The following C20orf96 variants were observed in gnomAD, a reference collection of about 807,000 sequenced individuals.
C20orf96 encodes the protein uncharacterized protein C20orf96.
Under a neutral mutation model 52.6 loss-of-function variants are expected in C20orf96, and 57 were observed. That is an observed-to-expected ratio of 1.08 (90% CI 0.88 to 1.35). C20orf96 has a LOEUF of 1.35. Ranked by LOEUF, C20orf96 falls within the 40% of genes most tolerant of loss-of-function variation. C20orf96 has a pLI of 0.00. For missense variants in C20orf96, 478 were observed against 443.6 expected (o/e 1.08, Z -0.70); for synonymous variants, 168 against 157.2 (o/e 1.07, Z -0.51).
chr20:270,903 A>ATTCCTCAAGGAATAG lies in C20orf96; in HGVS notation c.*303_*304insCTATTCCTTGAGGAA, dbSNP rs1279751066. 1.3e-5 allele frequency: 5 copies of ATTCCTCAAGGAATAG among 397,142 alleles called. No homozygotes were observed. Among genetic ancestry groups the ATTCCTCAAGGAATAG allele is most frequent in the Non-Finnish European group, 2.3e-5 (5 of 220,506 alleles). 24.6% of individuals were successfully genotyped at this position (397,142 alleles called of 1,614,324 possible). On this transcript the variant is annotated 3_prime_UTR_variant, in exon 11 of 11. Coordinates refer to ENST00000360321, the MANE Select transcript of C20orf96 (RefSeq NM_153269.3). ...GCTTTATTGGTAAAAAAGGAATAGC[A>ATTCCTCAAGGAATAG]GATTTAATCAGAAATTCCCACCTGG...
At chr20:276,148 A>C in intron 9 of C20orf96, 62 bp from the exon 10 acceptor site, 1 of 1,608,454 alleles carries the variant, frequency 6.2e-7, no homozygotes, top group Non-Finnish European at 8.5e-7. Context: ...CAAAGGGAGA[A>C]AGGCCAAAAT....
chr20:284,370 A>T (rs2012329757), intron 3 of C20orf96, among the ~76,000 whole-genome samples: 1 of 152,266 alleles, frequency 6.6e-6, no homozygotes, highest in Non-Finnish European at 1.5e-5. Context: ...TCAAATGTCC[A>T]GTCAGAAAGA....
At chr20:284,136 GC>G in intron 3 of C20orf96, 55 bp from the exon 4 acceptor site, 1 of 1,401,204 alleles carries the variant, frequency 7.1e-7, no homozygotes, top group South Asian at 1.2e-5. Context: ...AAGGCCTGAG[GC>G]CAGGTTCCCG....
chr20:290,493 G>GA, intron 1 of C20orf96, 98 bp downstream of exon 1: 1 of 1,495,750 alleles, frequency 6.7e-7, no homozygotes, highest in South Asian at 1.2e-5. Flanking sequence ...GAAGACCGAG[G>GA]GCGACCTCGA....
intron 10 of C20orf96, among the ~76,000 whole-genome samples, chr20:273,539 T>C (rs542969414): frequency 6.6e-6 from 1 of 152,098 alleles, no homozygotes; most frequent in East Asian, 1.9e-4. Flanking sequence ...ATGTGGTTGG[T>C]TCATAGAGCA....
At chr20:288,895 C>T (rs1444840589) in intron 3 of C20orf96, among the ~76,000 whole-genome samples, 1 of 152,156 alleles carries the variant, frequency 6.6e-6, no homozygotes, top group Non-Finnish European at 1.5e-5. Flanking sequence ...GTCCCCATTT[C>T]ACAAATGAGA....
At chr20:289,456 A>G (rs2012479210) in intron 3 of C20orf96, 103 bp downstream of exon 3, 1 of 742,744 alleles carries the variant, frequency 1.3e-6, no homozygotes. Context: ...TGTTTATTAC[A>G]TCAGTTAGCC....
chr20:289,540 C>G lies in C20orf96; in HGVS notation c.187+19G>C. 6.5e-7 allele frequency: 1 copy of G among 1,549,890 alleles called. No individual in the cohort carries two copies. The highest frequency in any genetic ancestry group is 8.9e-7 in the Non-Finnish European group (1 of 1,121,624). On this transcript the variant is annotated intron_variant, in intron 3 of 10. Transcript: ENST00000360321. The stretch of plus-strand genomic sequence containing the variant: ...CCTGTCTCCAACCCCCACACCAGCT[C>G]CCAGGTGCCTCCGCCCACCTGGTTG...
chr20:279,460 G>T (rs1281442588), intron 4 of C20orf96, 130 bp from the exon 5 acceptor site: 4 of 1,057,176 alleles, frequency 3.8e-6, no homozygotes, highest in Non-Finnish European at 5.1e-6. Flanking sequence ...TGGTAAACGC[G>T]GCCCAAGCTG....
In C20orf96 at chr20:290,666, C is replaced by CT. The variant is rs2012523952; in HGVS notation, c.-57dup. Reference sequence around the variant, plus strand: ...GTGAGACCCTGATCTTCTGGTATAACTACTCGGCTTTTCCAACTTCCTTGT... The same window carrying CT: ...GTGAGACCCTGATCTTCTGGTATAACTTACTCGGCTTTTCCAACTTCCTTGT... On this transcript the variant is annotated 5_prime_UTR_variant, in exon 1 of 11. Coordinates refer to ENST00000360321, the MANE Select transcript of C20orf96 (RefSeq NM_153269.3). 6.3e-7 allele frequency: 1 copy of CT among 1,581,228 alleles called. No individual in the cohort carries two copies. Among genetic ancestry groups the CT allele is most frequent in the African/African-American group, 1.4e-5 (1 of 70,986 alleles).
Position 276,838 on chromosome 20 carries a change from C to A in C20orf96, c.867G>T (p.Met289Ile). 5 of 1,613,902 alleles carry A rather than the reference C, an allele frequency of 3.1e-6. No individual in the cohort carries two copies. The highest frequency in any genetic ancestry group is 4.2e-6 in the Non-Finnish European group (5 of 1,179,894). The change falls in exon 9 of 11, where the codon ATG (methionine) becomes ATT (isoleucine). Residue 289 changes from methionine to isoleucine, a missense_variant. Met to Ile is a conservative substitution (Grantham distance 10, BLOSUM62 1). Coordinates refer to ENST00000360321, the MANE Select transcript of C20orf96 (RefSeq NM_153269.3). ...RPYEEALLQK[M>I]WESQDFLKCM... ...ATTTCAGGAAGTCCTGGCTTTCCCACATCTTCTGTAGGAGAGCCTCTTCAT... is the reference window on the plus strand; with the variant it reads ...ATTTCAGGAAGTCCTGGCTTTCCCAAATCTTCTGTAGGAGAGCCTCTTCAT...
At chr20:278,147 C>T (rs1189906085) in intron 6 of C20orf96, among the ~76,000 whole-genome samples, 183 bp downstream of exon 6, 1 of 152,156 alleles carries the variant, frequency 6.6e-6, no homozygotes, top group Non-Finnish European at 1.5e-5. Flanking sequence ...AGATACGGGG[C>T]CTGGAAAGAG....
At position 289,677 on chromosome 20, in the gene C20orf96, C is replaced by G. The variant is rs1018969384; in HGVS notation, c.70-1G>C. 5 of 1,609,636 alleles carry G rather than the reference C, an allele frequency of 3.1e-6. No individual in the cohort carries two copies. The African/African-American group carries it at 5.3e-5, about 17-fold the overall frequency. ...TGGACTGCTGCCATGGAACATAATC[C>G]TACAAAATATACAATCAGTCACATA... On this transcript the variant is annotated splice_acceptor_variant, in intron 2 of 10. Transcript: ENST00000360321. LOFTEE classifies it high-confidence loss of function.
At chr20:280,877 A>G (rs1194902429) in intron 4 of C20orf96, among the ~76,000 whole-genome samples, 1 of 152,224 alleles carries the variant, frequency 6.6e-6, no homozygotes, top group Non-Finnish European at 1.5e-5. Context: ...GAGATTGGAC[A>G]GGTGCGGTGA....
At chr20:288,381 G>C (rs1021737091) in intron 3 of C20orf96, among the ~76,000 whole-genome samples, 5 of 152,052 alleles carry the variant, frequency 3.3e-5, no homozygotes, top group Non-Finnish European at 7.4e-5. Flanking sequence ...GCTTGGTGGT[G>C]CTGATTCCCC....
chr20:275,976 C>T lies in C20orf96; in HGVS notation c.1023G>A (p.Arg341=), dbSNP rs146492837. ...GCAAAAAGATCACATACTTGGGTCT[C>T]CGAAGCAGAACATCCTCAAATATGA... ...REVIFEDVLL[R]RPKCTPDMDV... Residue 341 remains arginine (R), a synonymous_variant, in exon 10 of 11, where the codon CGG becomes CGA. Transcript: ENST00000360321. 1.5e-3 allele frequency: 2,344 copies of T among 1,614,026 alleles called. 5 individuals are homozygous for T. Among genetic ancestry groups the T allele is most frequent in the Non-Finnish European group, 1.8e-3 (2,141 of 1,179,970 alleles).
intron 10 of C20orf96, among the ~76,000 whole-genome samples, chr20:274,447 G>T (rs1461841832): frequency 2.0e-5 from 3 of 152,150 alleles, no homozygotes; most frequent in African/African-American, 7.2e-5. Context: ...CGTGGGTCCA[G>T]CTCCACCATG....
At chr20:287,629 T>TA (rs1213824125) in intron 3 of C20orf96, among the ~76,000 whole-genome samples, 1 of 151,924 alleles carries the variant, frequency 6.6e-6, no homozygotes, top group Non-Finnish European at 1.5e-5. Flanking sequence ...TTCATCCTCC[T>TA]AAAAAGGTCT....
chr20:279,378 C>T, intron 4 of C20orf96, 48 bp from the exon 5 acceptor site: 1 of 1,567,982 alleles, frequency 6.4e-7, no homozygotes, highest in Non-Finnish European at 8.6e-7. Context: ...CCCTGCCCGG[C>T]CTGAGCCCCC....
Sources: gnomAD v4.1 joint callset for allele counts (sites outside exome capture counted in the v4.1 genomes callset) on GRCh38, gnomAD v4.1.1 for gene constraint, MANE v1.5 for transcripts, NCBI Gene and HGNC (gene_info 2026-07-23, HGNC 2026-07-21) for gene names.